Variants in KCNK12 observed in about 807,000 individuals in gnomAD.
KCNK12 encodes potassium channel subfamily K member 12.
A neutral mutation model predicts 25.3 loss-of-function variants in KCNK12; 6 were observed. That is an observed-to-expected ratio of 0.24 (90% CI 0.13 to 0.47). The LOEUF is 0.47. KCNK12 is among the 20% of genes least tolerant of loss of function. The pLI, the probability that KCNK12 is intolerant of heterozygous loss-of-function variation, is 0.99. For synonymous variants in KCNK12, 331 were observed against 311.1 expected (o/e 1.06, Z -0.67); for missense variants, 444 against 661.7 (o/e 0.67, Z 3.61).
In KCNK12 at chr2:47,510,495, TAGA is replaced by T. The variant is rs1454352352; in HGVS notation, c.*10409_*10411del. 6.6e-6 allele frequency among the ~76,000 whole-genome samples: 1 copy of T among 152,078 alleles called. No homozygotes were observed. Among genetic ancestry groups the T allele is most frequent in the Admixed American group, 6.5e-5 (1 of 15,282 alleles). On this transcript the variant is annotated 3_prime_UTR_variant, in exon 2 of 2. Coordinates refer to ENST00000327876, the MANE Select transcript of KCNK12 (RefSeq NM_022055.2). ...TCTAAAAGAACAGAGATAGTGTCCC[TAGA>T]AGAAGGGGACAGGAAAGCATCCTGG...
In KCNK12 at chr2:47,528,074, G is replaced by A. The variant is rs1668827147; in HGVS notation, c.392-6266C>T. 6.6e-6 allele frequency among the ~76,000 whole-genome samples: 1 copy of A among 152,168 alleles called. No homozygotes were observed. The highest frequency in any genetic ancestry group is 1.5e-5 in the Non-Finnish European group (1 of 68,034). The stretch of plus-strand genomic sequence containing the variant: ...GAACTTGTCCTGGGGTCTTCTTACG[G>A]CCCTGGTTCAGCTTGCATTCAGCAT... On this transcript the variant is annotated intron_variant, in intron 1 of 1. Coordinates refer to ENST00000327876, the MANE Select transcript of KCNK12 (RefSeq NM_022055.2). This position sits in a 1 kb window ranked among gnomAD's most constrained non-coding sequence, Gnocchi z 4.5.
rs1227806670 is a variant in KCNK12, at chr2:47,565,322, T to A, written c.391+4619A>T. 6.6e-6 allele frequency: 1 copy of A among 152,250 alleles called. No individual in the cohort carries two copies. The highest frequency in any genetic ancestry group is 1.5e-5 in the Non-Finnish European group (1 of 68,040). 9.4% of individuals were successfully genotyped at this position (152,250 alleles called of 1,614,324 possible). A position where few individuals can be genotyped will look rare whatever the true frequency, so the allele number is the denominator to read the frequency against. ...TAAATGTGGTAGTGACATTTTGGGC[T>A]TATAATGTCTTAGTTTCCTTTGTAG... On this transcript the variant is annotated intron_variant, in intron 1 of 1. Coordinates refer to ENST00000327876, the MANE Select transcript of KCNK12 (RefSeq NM_022055.2). The surrounding 1 kb of genome is among the most constrained non-coding windows in gnomAD (Gnocchi z 5.0).
intron 1 of KCNK12, chr2:47,563,105 G>T (rs1669715585): frequency 4.3e-6 from 1 of 233,220 alleles, no homozygotes; most frequent in African/African-American, 2.2e-5. Flanking sequence ...GCTGCTCCAG[G>T]TGTCAGGGAT....
chr2:47,537,921 G>A (rs1669111170), intron 1 of KCNK12, among the ~76,000 whole-genome samples: 1 of 152,190 alleles, frequency 6.6e-6, no homozygotes, highest in South Asian at 2.1e-4. Context: ...AGATGCCTTA[G>A]CCAGGAGATG....
chr2:47,552,808 C>T (rs991109319), intron 1 of KCNK12, among the ~76,000 whole-genome samples: 3 of 151,972 alleles, frequency 2.0e-5, no homozygotes, highest in Admixed American at 1.3e-4. Context: ...CCCAGGCCCA[C>T]GGTCAGCCCC....
Position 47,570,115 on chromosome 2 carries a change from C to A in KCNK12, c.217G>T (p.Gly73Cys). Residue 73 changes from glycine (G) to cysteine (C), a missense_variant, in exon 1 of 2, where the codon GGC becomes TGC. Gly to Cys is a radical substitution (Grantham distance 159). This residue lies in a region of KCNK12 where 106 missense variants were observed against 142.2 expected (regional missense o/e 0.75). Transcript: ENST00000327876. ...GCGCTGAAGTTGCGCAGCGTGGCGC[C>A]CCAGCGCGCCCGCGCCTCCGCCTCG... ...PGEAEARARW[G>C]ATLRNFSAAH... 7.1e-7 allele frequency: 1 copy of A among 1,418,228 alleles called. No homozygotes were observed. Among genetic ancestry groups the A allele is most frequent in the Non-Finnish European group, 9.2e-7 (1 of 1,087,048 alleles). The allele number at this position is 1,418,228 out of a possible 1,614,324, so 87.9% of individuals were successfully genotyped here.
intron 1 of KCNK12, among the ~76,000 whole-genome samples, chr2:47,550,377 A>ATTT (rs1669400815): frequency 8.6e-6 from 1 of 116,414 alleles, no homozygotes; most frequent in East Asian, 2.3e-4. Flanking sequence ...ATATTCACAG[A>ATTT]CTTTTTTTTT....
rs567482039 is a variant in KCNK12, at chr2:47,515,114, A to G, written c.*5793T>C. On this transcript the variant is annotated 3_prime_UTR_variant, in exon 2 of 2. Transcript: ENST00000327876. ...GGTAAAACAGCCACCTGTGCCCATC[A>G]CATAGCTGGGGCACAGCTGGAGACC... is the stretch of plus-strand genomic sequence containing the variant. 1.6e-4 allele frequency among the ~76,000 whole-genome samples: 25 copies of G among 152,262 alleles called. No homozygotes were observed. The South Asian group carries it at 3.5e-3, about 22-fold the overall frequency.
intron 1 of KCNK12, among the ~76,000 whole-genome samples, chr2:47,542,065 T>C (rs578105911): frequency 8.0e-4 from 122 of 152,302 alleles, no homozygotes; most frequent in African/African-American, 2.8e-3. Flanking sequence ...GTGTTTATAT[T>C]TATCCTGCTA....
intron 1 of KCNK12, among the ~76,000 whole-genome samples, chr2:47,541,034 C>T (rs1669186778): frequency 6.6e-6 from 1 of 152,202 alleles, no homozygotes; most frequent in Admixed American, 6.5e-5. Context: ...ACACTTGTGA[C>T]TTGCTGCCTT....
At chr2:47,545,786 C>CA (rs1267079858) in intron 1 of KCNK12, among the ~76,000 whole-genome samples, 1 of 152,052 alleles carries the variant, frequency 6.6e-6, no homozygotes, top group Non-Finnish European at 1.5e-5. Flanking sequence ...ATGACCACCT[C>CA]AAAATGCAAG....
Position 47,570,115 on chromosome 2 carries a change from C to G in KCNK12, c.217G>C (p.Gly73Arg). The G allele has an allele frequency of 7.1e-7, 1 of 1,418,228 alleles. No individual in the cohort carries two copies. The highest frequency in any genetic ancestry group is 9.2e-7 in the Non-Finnish European group (1 of 1,087,048). The allele number at this position is 1,418,228 out of a possible 1,614,324, so 87.9% of individuals were successfully genotyped here. A position where few individuals can be genotyped will look rare whatever the true frequency, so the allele number is the denominator to read the frequency against. The change falls in exon 1 of 2, where the codon GGC becomes CGC. Residue 73 changes from glycine to arginine, a missense_variant. Gly to Arg is a moderately radical substitution (Grantham distance 125). Coordinates refer to ENST00000327876, the MANE Select transcript of KCNK12 (RefSeq NM_022055.2). Reference sequence around the variant, plus strand: ...GCGCTGAAGTTGCGCAGCGTGGCGCCCCAGCGCGCCCGCGCCTCCGCCTCG... The same window carrying G: ...GCGCTGAAGTTGCGCAGCGTGGCGCGCCAGCGCGCCCGCGCCTCCGCCTCG... Reference protein sequence around the residue: ...PGEAEARARWGATLRNFSAAH... With the variant: ...PGEAEARARWRATLRNFSAAH...
rs1304471441 is a variant in KCNK12 at position 47,520,904 on chromosome 2, G to A, written c.*3C>T. 7 of 1,242,344 alleles carry A rather than the reference G, an allele frequency of 5.6e-6. No individual in the cohort carries two copies. Among genetic ancestry groups the A allele is most frequent in the Middle Eastern group, 2.7e-4 (1 of 3,748 alleles). The allele number at this position is 1,242,344 out of a possible 1,614,324, so 77.0% of individuals were successfully genotyped here. ...GGGTCCCCGGCGCGGGCGGACGGGC[G>A]GTCTACCTGGAGGCGCTGGTCTCGG... On this transcript the variant is annotated 3_prime_UTR_variant, in exon 2 of 2. Coordinates refer to ENST00000327876, the MANE Select transcript of KCNK12 (RefSeq NM_022055.2). This position sits in a 1 kb window ranked among gnomAD's most constrained non-coding sequence, Gnocchi z 5.0.
chr2:47,553,560 T>C (rs1669484728), intron 1 of KCNK12, among the ~76,000 whole-genome samples: 1 of 152,216 alleles, frequency 6.6e-6, no homozygotes, highest in South Asian at 2.1e-4. Context: ...ATCTGGTTGT[T>C]TGAAGGTAGT....
rs1348415239 is a variant in KCNK12 at position 47,510,167 on chromosome 2, A to C, written c.*10740T>G. On this transcript the variant is annotated 3_prime_UTR_variant, in exon 2 of 2. Coordinates refer to ENST00000327876, the MANE Select transcript of KCNK12 (RefSeq NM_022055.2). Reference sequence around the variant, plus strand: ...CCTGCTACTTCTTGCTACTAGTAACATGGATGTGAGCCTTGGAGGGGTAGC... The same window carrying C: ...CCTGCTACTTCTTGCTACTAGTAACCTGGATGTGAGCCTTGGAGGGGTAGC... The C allele has an allele frequency of 6.6e-6, 1 of 152,084 alleles. No homozygotes were observed. The highest frequency in any genetic ancestry group is 1.5e-5 in the Non-Finnish European group (1 of 68,006). The allele number at this position is 152,084 out of a possible 1,614,324, so 9.4% of individuals were successfully genotyped here. A position where few individuals can be genotyped will look rare whatever the true frequency, so the allele number is the denominator to read the frequency against.
At position 47,512,997 on chromosome 2, in the gene KCNK12, C is replaced by A. The variant is rs1327326490; in HGVS notation, c.*7910G>T. Reference sequence around the variant, plus strand: ...GTTCATGGCCACTTTTCCTGATTATCTTGCAGCTATATTAGGTCATGTGAC... The same window carrying A: ...GTTCATGGCCACTTTTCCTGATTATATTGCAGCTATATTAGGTCATGTGAC... On this transcript the variant is annotated 3_prime_UTR_variant, in exon 2 of 2. Transcript: ENST00000327876. 2 of 154,512 alleles carry A rather than the reference C, an allele frequency of 1.3e-5. No homozygotes were observed. The highest frequency in any genetic ancestry group is 4.8e-5 in the African/African-American group (2 of 41,456). The allele number at this position is 154,512 out of a possible 1,614,324, so 9.6% of individuals were successfully genotyped here.
intron 1 of KCNK12, among the ~76,000 whole-genome samples, chr2:47,534,440 C>CG (rs397767805): frequency 2.8e-5 from 4 of 143,182 alleles, no homozygotes; most frequent in African/African-American, 5.3e-5. Flanking sequence ...AGGCCCCCCC[C>CG]ACCGCCACCC....
chr2:47,562,540 C>A lies in KCNK12; in HGVS notation c.391+7401G>T, dbSNP rs1669698601. Reference sequence around the variant, plus strand: ...CACAAGACAGAGTCCGGAGCATTCTCCACCACAGCCAGTGGCCACTTGGAG... The same window carrying A: ...CACAAGACAGAGTCCGGAGCATTCTACACCACAGCCAGTGGCCACTTGGAG... On this transcript the variant is annotated intron_variant, in intron 1 of 1. Coordinates refer to ENST00000327876, the MANE Select transcript of KCNK12 (RefSeq NM_022055.2). This position sits in a 1 kb window ranked among gnomAD's most constrained non-coding sequence, Gnocchi z 4.8. 1 of 235,234 alleles carries A rather than the reference C, an allele frequency of 4.3e-6. No individual in the cohort carries two copies. Among genetic ancestry groups the A allele is most frequent in the African/African-American group, 2.2e-5 (1 of 45,442 alleles). The allele number at this position is 235,234 out of a possible 1,614,324, so 14.6% of individuals were successfully genotyped here. A position where few individuals can be genotyped will look rare whatever the true frequency, so the allele number is the denominator to read the frequency against.
Position 47,529,556 on chromosome 2 carries a change from T to C in KCNK12, c.392-7748A>G, listed in dbSNP as rs1573630123. Among the ~76,000 whole-genome samples the C allele has an allele frequency of 6.6e-6, 1 of 152,214 alleles. No individual in the cohort carries two copies. Among genetic ancestry groups the C allele is most frequent in the African/African-American group, 2.4e-5 (1 of 41,460 alleles). On this transcript the variant is annotated intron_variant, in intron 1 of 1. Transcript: ENST00000327876. The surrounding 1 kb of genome is among the most constrained non-coding windows in gnomAD (Gnocchi z 4.3). ...ATCATTCTCCCAGCCTGTACTATAT[T>C]GAGTAGCAGCCAGGCTACTTGGAGA...
Sources: allele counts gnomAD v4.1 joint callset (sites outside exome capture counted in the v4.1 genomes callset), GRCh38; gene constraint gnomAD v4.1.1; regional missense constraint gnomAD v4.1.1; non-coding constraint Gnocchi (gnomAD v3.1); transcripts MANE v1.5; gene names NCBI Gene and HGNC (gene_info 2026-07-23, HGNC 2026-07-21).